BCAS4: variants seen among roughly 807,000 people sequenced by gnomAD.
BCAS4 encodes breast carcinoma-amplified sequence 4.
In BCAS4, 9 loss-of-function variants were observed where a neutral mutation model predicts 15.7. That is an observed-to-expected ratio of 0.57 (90% CI 0.34 to 1.00). The LOEUF is 1.00. Ranked by LOEUF, BCAS4 falls within the 50% of genes least tolerant of loss-of-function variation. BCAS4 has a pLI of 0.02. For missense variants in BCAS4, 225 were observed against 239.1 expected (o/e 0.94, Z 0.39); for synonymous variants, 101 against 99.5 (o/e 1.02, Z -0.09).
chr20:50,816,042 T>G (rs2088132621), intron 1 of BCAS4, among the ~76,000 whole-genome samples: 1 of 152,226 alleles, frequency 6.6e-6, no homozygotes, highest in South Asian at 2.1e-4. Flanking sequence ...TTTTTTGTTT[T>G]TGAAGACAGA....
rs192403260 is a variant in BCAS4 at position 50,834,070 on chromosome 20, C to T, written c.264+3690C>T. On this transcript the variant is annotated intron_variant, in intron 3 of 4. Transcript: ENST00000371608. ...GAGGAGCTCAAGGTCAGGAATGAGA[C>T]GGAGTGAGGGGTGTAGCCCATAGGG... Among the ~76,000 whole-genome samples the T allele has an allele frequency of 2.3e-3, 352 of 152,158 alleles. 2 individuals are homozygous for T. Among genetic ancestry groups the T allele is most frequent in the Non-Finnish European group, 3.7e-3 (251 of 68,004 alleles).
intron 1 of BCAS4, among the ~76,000 whole-genome samples, chr20:50,809,699 A>C (rs1397940189): frequency 6.6e-6 from 1 of 152,038 alleles, no homozygotes; most frequent in African/African-American, 2.4e-5. Flanking sequence ...TTTTGGCAGT[A>C]TGGTCATTTT....
At chr20:50,860,045 A>G (rs1445468214) in intron 4 of BCAS4, among the ~76,000 whole-genome samples, 1 of 152,016 alleles carries the variant, frequency 6.6e-6, no homozygotes, top group Admixed American at 6.6e-5. Flanking sequence ...CTGAGGTAGG[A>G]CGATTGCTTG....
chr20:50,823,639 T>C (rs2088243707), intron 2 of BCAS4, among the ~76,000 whole-genome samples: 1 of 152,128 alleles, frequency 6.6e-6, no homozygotes, highest in Admixed American at 6.5e-5. Context: ...CTGGGCAACA[T>C]AGGGAGACCC....
intron 4 of BCAS4, among the ~76,000 whole-genome samples, chr20:50,872,263 CAA>C (rs71192504): frequency 7.2e-4 from 45 of 62,730 alleles, no homozygotes; most frequent in East Asian, 1.9e-3. Flanking sequence ...GACTCTGTCT[CAA>C]AAAAAAAAAA....
chr20:50,856,685 G>A (rs139891007), intron 4 of BCAS4, among the ~76,000 whole-genome samples: 2 of 152,178 alleles, frequency 1.3e-5, no homozygotes, highest in African/African-American at 2.4e-5. Context: ...GGGCAGGAGG[G>A]GCTCAGATGA....
At chr20:50,846,125 G>A (rs755018478) in intron 4 of BCAS4, among the ~76,000 whole-genome samples, 4 of 152,246 alleles carry the variant, frequency 2.6e-5, no homozygotes, top group Non-Finnish European at 4.4e-5. Flanking sequence ...AAAAATGTAC[G>A]CATGACCATG....
chr20:50,855,012 G>A (rs571957341), intron 4 of BCAS4, among the ~76,000 whole-genome samples: 10 of 152,206 alleles, frequency 6.6e-5, no homozygotes, highest in Non-Finnish European at 1.2e-4. Flanking sequence ...GGCCGGGTTC[G>A]TGGTGTGTCT....
At chr20:50,840,701 T>A in intron 3 of BCAS4, 1 of 1,613,054 alleles carries the variant, frequency 6.2e-7, no homozygotes. Flanking sequence ...TTCTTCAGTT[T>A]CGACTTATCG....
intron 3 of BCAS4, among the ~76,000 whole-genome samples, chr20:50,836,791 C>G (rs892980052): frequency 6.6e-6 from 1 of 152,174 alleles, no homozygotes; most frequent in African/African-American, 2.4e-5. Flanking sequence ...GTGGTGCAGT[C>G]ACACTTCCTG....
intron 1 of BCAS4, among the ~76,000 whole-genome samples, chr20:50,802,520 A>G (rs1290975008): frequency 6.6e-6 from 1 of 152,188 alleles, no homozygotes; most frequent in Non-Finnish European, 1.5e-5. Flanking sequence ...GTCTGCCTAG[A>G]GCCTTGGATG....
chr20:50,800,759 G>A (rs896034042), intron 1 of BCAS4, among the ~76,000 whole-genome samples: 7 of 151,790 alleles, frequency 4.6e-5, no homozygotes, highest in African/African-American at 9.7e-5. Context: ...ACAGAGTTTC[G>A]CCATGTTGGC....
intron 3 of BCAS4, among the ~76,000 whole-genome samples, chr20:50,831,352 G>T (rs187666751): frequency 6.0e-4 from 92 of 152,122 alleles, no homozygotes; most frequent in African/African-American, 2.1e-3. Context: ...GGCAGAGGTT[G>T]CAGTGAGCCA....
At chr20:50,803,815 A>G (rs1039539455) in intron 1 of BCAS4, among the ~76,000 whole-genome samples, 35 of 151,776 alleles carry the variant, frequency 2.3e-4, no homozygotes, top group Admixed American at 7.2e-4. Context: ...AAAAAAAAAA[A>G]AAAAAGAGAG....
chr20:50,847,266 T>C (rs2088557126), intron 4 of BCAS4, among the ~76,000 whole-genome samples: 2 of 152,104 alleles, frequency 1.3e-5, no homozygotes, highest in Non-Finnish European at 1.5e-5. Context: ...TTTGTATTTT[T>C]AGTAGAGACG....
chr20:50,864,442 T>G (rs1300508949), intron 4 of BCAS4, among the ~76,000 whole-genome samples: 2 of 145,710 alleles, frequency 1.4e-5, no homozygotes, highest in African/African-American at 5.1e-5. Flanking sequence ...ATGATTGATT[T>G]TTTTTTTTTT....
chr20:50,874,332 C>T (rs958565504), intron 4 of BCAS4, among the ~76,000 whole-genome samples: 2 of 152,204 alleles, frequency 1.3e-5, no homozygotes, highest in Non-Finnish European at 2.9e-5. Flanking sequence ...AACACCGGCC[C>T]TTGGTACCTC....
intron 4 of BCAS4, among the ~76,000 whole-genome samples, chr20:50,848,625 A>T (rs1177491381): frequency 6.6e-6 from 1 of 152,218 alleles, no homozygotes; most frequent in Non-Finnish European, 1.5e-5. Flanking sequence ...AATTTGCTTC[A>T]CTTGGCAAGA....
chr20:50,840,926 T>A (rs373313336), intron 3 of BCAS4: 2 of 569,474 alleles, frequency 3.5e-6, no homozygotes. Flanking sequence ...GCCTCCCGGG[T>A]TCAAGTAATT....
Sources: allele counts gnomAD v4.1 joint callset (sites outside exome capture counted in the v4.1 genomes callset), GRCh38; gene constraint gnomAD v4.1.1; transcripts MANE v1.5; gene names NCBI Gene and HGNC (gene_info 2026-07-23, HGNC 2026-07-21).